Variants in MYO5C observed in about 807,000 individuals in gnomAD.
MYO5C encodes myosin VC, also known as unconventional myosin-Vc.
MYO5C carries 194 observed loss-of-function variants against 235.7 expected under a neutral mutation model. That is an observed-to-expected ratio of 0.82 (90% CI 0.73 to 0.93). The LOEUF (loss-of-function observed/expected upper bound fraction) is 0.93. Among genes scored for constraint, MYO5C ranks in the 40% least tolerant of loss-of-function variants. MYO5C has a pLI of 0.00. For missense variants in MYO5C, 2,038 were observed against 2,127.2 expected, an observed-to-expected ratio of 0.96 and a Z score of 0.82; for synonymous variants, 707 against 754.8, an observed-to-expected ratio of 0.94 and a Z score of 1.04.
At chr15:52,195,640 G>C (rs1009343156) in intron 39 of MYO5C, among the ~76,000 whole-genome samples, 183 bp from the exon 40 acceptor site, 1 of 152,120 alleles carries the variant, frequency 6.6e-6, no homozygotes, top group South Asian at 2.1e-4. Flanking sequence ...AAGTGCCTTA[G>C]GGAGCAAAGG....
intron 7 of MYO5C, among the ~76,000 whole-genome samples, chr15:52,271,377 T>C (rs924787589): frequency 1.2e-4 from 18 of 152,028 alleles, no homozygotes; most frequent in Admixed American, 1.1e-3. Flanking sequence ...TACAGGTGCG[T>C]GCCACCACAC....
At chr15:52,276,242 C>T (rs1457736729) in intron 4 of MYO5C, among the ~76,000 whole-genome samples, 1 of 152,172 alleles carries the variant, frequency 6.6e-6, no homozygotes, top group Non-Finnish European at 1.5e-5. Context: ...ATATAGTCAT[C>T]CTCACAGCTA....
intron 19 of MYO5C, 74 bp from the exon 20 acceptor site, chr15:52,242,287 G>T: frequency 6.8e-7 from 1 of 1,474,178 alleles, no homozygotes. Context: ...TGCAAGCTTG[G>T]CTAGCATGTG....
Position 52,272,699 on chromosome 15 carries a change from G to T in MYO5C, c.631C>A (p.Arg211Ser), listed in dbSNP as rs374820157. 6.2e-7 allele frequency: 1 copy of T among 1,613,856 alleles called. No homozygotes were observed. The highest frequency in any genetic ancestry group is 8.5e-7 in the Non-Finnish European group (1 of 1,179,942). ...TEAVGNAKTT[R>S]NDNSSRFGKY... ...CCAAACCGACTACTATTGTCATTGC[G>T]GGTGGTCTTGGCATTTCCAACGGCC... The change falls in exon 6 of 41, where the codon CGC becomes AGC. Residue 211 changes from arginine (R) to serine (S), a missense_variant. Physicochemically the swap from Arg to Ser is moderately radical, Grantham distance 110. Coordinates refer to ENST00000261839, the MANE Select transcript of MYO5C (RefSeq NM_018728.4).
At chr15:52,282,444 A>C (rs929627456) in intron 2 of MYO5C, among the ~76,000 whole-genome samples, 2 of 152,196 alleles carry the variant, frequency 1.3e-5, no homozygotes. Context: ...CTCTGGGCTG[A>C]GACTCAGGAA....
intron 31 of MYO5C, among the ~76,000 whole-genome samples, chr15:52,219,005 A>G (rs191954616): frequency 6.6e-6 from 1 of 152,332 alleles, no homozygotes; most frequent in African/African-American, 2.4e-5. Flanking sequence ...CTAAGCAGTC[A>G]TCCCCTTTGT....
chr15:52,244,953 A>G (rs905986154), intron 18 of MYO5C, among the ~76,000 whole-genome samples: 2 of 152,194 alleles, frequency 1.3e-5, no homozygotes, highest in African/African-American at 2.4e-5. Context: ...GCTGGACCTT[A>G]TAACTCCCCA....
intron 25 of MYO5C, 123 bp from the exon 26 acceptor site, chr15:52,225,655 C>A: frequency 1.4e-6 from 1 of 701,422 alleles, no homozygotes; most frequent in Admixed American, 2.1e-5. Context: ...CAGTTTCTTT[C>A]TTAGCTAAAA....
At chr15:52,205,488 A>G (rs1310315255) in intron 37 of MYO5C, 7 of 334,624 alleles carry the variant, frequency 2.1e-5, no homozygotes, top group Admixed American at 1.3e-4. Flanking sequence ...AAAGTATACA[A>G]GAATTCGAAT....
At chr15:52,219,865 C>T (rs2035638708) in intron 30 of MYO5C, 43 bp from the exon 31 acceptor site, 1 of 1,456,300 alleles carries the variant, frequency 6.9e-7, no homozygotes, top group Non-Finnish European at 9.6e-7. Flanking sequence ...GGGCACATAT[C>T]ACTGCATTCT....
At chr15:52,262,897 T>C (rs1307841194) in intron 9 of MYO5C, among the ~76,000 whole-genome samples, 1 of 152,194 alleles carries the variant, frequency 6.6e-6, no homozygotes, top group Non-Finnish European at 1.5e-5. Context: ...TGTGACCGTA[T>C]TTGGAGATGG....
chr15:52,220,693 G>A (rs2035659523), intron 30 of MYO5C, among the ~76,000 whole-genome samples: 2 of 151,926 alleles, frequency 1.3e-5, no homozygotes, highest in Non-Finnish European at 1.5e-5. Flanking sequence ...TGGGTGTGGT[G>A]GTGGGTGCCT....
chr15:52,224,376 A>C (rs1037233209), intron 28 of MYO5C, among the ~76,000 whole-genome samples: 1 of 152,216 alleles, frequency 6.6e-6, no homozygotes, highest in African/African-American at 2.4e-5. Flanking sequence ...ATGTACACCA[A>C]GAGTGAACTC....
intron 11 of MYO5C, among the ~76,000 whole-genome samples, chr15:52,255,641 A>G (rs980666417): frequency 6.6e-6 from 1 of 152,258 alleles, no homozygotes; most frequent in Non-Finnish European, 1.5e-5. Flanking sequence ...GAAAGGCGTC[A>G]GTACTGTTGG....
At chr15:52,198,561 G>A (rs185309445) in intron 38 of MYO5C, among the ~76,000 whole-genome samples, 3 of 151,926 alleles carry the variant, frequency 2.0e-5, no homozygotes, top group African/African-American at 7.2e-5. Flanking sequence ...AGTTTTTGTT[G>A]TTGTTGTTGT....
chr15:52,258,579 C>G (rs189943098), intron 10 of MYO5C, among the ~76,000 whole-genome samples: 6 of 152,276 alleles, frequency 3.9e-5, no homozygotes, highest in Non-Finnish European at 7.4e-5. Context: ...TTCCTTATTT[C>G]CAAGTCAAAA....
At position 52,194,032 on chromosome 15, in the gene MYO5C, T is replaced by A. The variant is rs2034992557; in HGVS notation, c.5099A>T (p.Asp1700Val). ...GGTATCCAACATCAGCTGTGATGAATCCTCCCGGCTATTTAGGAGAGCCTG... is the reference window on the plus strand; with the variant it reads ...GGTATCCAACATCAGCTGTGATGAAACCTCCCGGCTATTTAGGAGAGCCTG... ...KVQALLNSRE[D>V]SSQLMLDTKY... is the part of the protein sequence containing the mutation. Residue 1700 changes from aspartate (D) to valine (V), a missense_variant, in exon 41 of 41, where the codon GAT becomes GTT. Asp to Val is a radical substitution (Grantham distance 152). Coordinates refer to ENST00000261839, the MANE Select transcript of MYO5C (RefSeq NM_018728.4). 1 of 1,612,820 alleles carries A rather than the reference T, an allele frequency of 6.2e-7. No homozygotes were observed. Among genetic ancestry groups the A allele is most frequent in the Non-Finnish European group, 8.5e-7 (1 of 1,179,724 alleles).
At chr15:52,206,871 C>T (rs762892935) in intron 36 of MYO5C, among the ~76,000 whole-genome samples, 6 of 152,186 alleles carry the variant, frequency 3.9e-5, no homozygotes, top group African/African-American at 9.7e-5. Context: ...TGGTGGCTTA[C>T]GCCTGTAATC....
chr15:52,256,597 G>GCGCT (rs1566982077), intron 11 of MYO5C, 42 bp downstream of exon 11: 23 of 1,429,520 alleles, frequency 1.6e-5, no homozygotes, highest in Non-Finnish European at 1.5e-5. Flanking sequence ...ACGCGCGCGC[G>GCGCT]CGCGGCTGAG....
Sources: gnomAD v4.1 joint callset for allele counts (sites outside exome capture counted in the v4.1 genomes callset) on GRCh38, gnomAD v4.1.1 for gene constraint, MANE v1.5 for transcripts, NCBI Gene and HGNC (gene_info 2026-07-23, HGNC 2026-07-21) for gene names.